ACACA: variants seen among roughly 807,000 people sequenced by gnomAD.
ACACA encodes acetyl-CoA carboxylase 1.
A neutral mutation model predicts 296.1 loss-of-function variants in ACACA; 103 were observed. That is an observed-to-expected ratio of 0.35 (90% CI 0.30 to 0.41). The LOEUF (loss-of-function observed/expected upper bound fraction) is 0.41, where lower values mean the gene tolerates loss of function less well. Ranked by LOEUF, ACACA falls within the 10% of genes least tolerant of loss-of-function variation. The probability of loss-of-function intolerance (pLI) is 1.00; values close to 1 mark genes in which losing one functional copy is unlikely to be tolerated. For synonymous variants in ACACA, 953 were observed against 1,038.6 expected, an observed-to-expected ratio of 0.92 and a Z score of 1.58; for missense variants, 1,554 against 2,989.7, an observed-to-expected ratio of 0.52 and a Z score of 11.20.
At chr17:37,298,126 T>C (rs2083445066) in intron 3 of ACACA, among the ~76,000 whole-genome samples, 3 of 151,982 alleles carry the variant, frequency 2.0e-5, no homozygotes, top group South Asian at 4.1e-4. Context: ...CTCAGCTATA[T>C]TGTAGTTACT....
intron 35 of ACACA, among the ~76,000 whole-genome samples, chr17:37,195,998 C>G (rs2077978640): frequency 6.6e-6 from 1 of 152,060 alleles, no homozygotes; most frequent in Non-Finnish European, 1.5e-5. Context: ...GTGTTCTAAT[C>G]AGCCAACCAT....
intron 3 of ACACA, 141 bp from the exon 4 acceptor site, chr17:37,285,111 G>A: frequency 3.2e-6 from 3 of 949,506 alleles, no homozygotes; most frequent in South Asian, 1.6e-5. Flanking sequence ...TCAAATAAAA[G>A]AGAGAAAAGA....
intron 3 of ACACA, among the ~76,000 whole-genome samples, chr17:37,307,229 G>C (rs1163948290): frequency 6.6e-6 from 1 of 152,082 alleles, no homozygotes; most frequent in African/African-American, 2.4e-5. Context: ...AATTTCCTCT[G>C]GGAATATACA....
chr17:37,396,010 G>T (rs2051069336), intron 1 of ACACA, among the ~76,000 whole-genome samples: 1 of 152,118 alleles, frequency 6.6e-6, no homozygotes, highest in Non-Finnish European at 1.5e-5. Flanking sequence ...ATTTGCGTGT[G>T]TATTAAAAGC....
At chr17:37,227,859 C>CAA (rs60565367) in intron 25 of ACACA, among the ~76,000 whole-genome samples, 23,220 of 102,336 alleles carry the variant, frequency 0.23, 2,265 homozygotes, top group Admixed American at 0.38. Flanking sequence ...GACTCTGTCT[C>CAA]AAAAAAAAAA....
intron 1 of ACACA, chr17:37,359,134 G>C: frequency 9.1e-6 from 9 of 985,520 alleles, no homozygotes; most frequent in Non-Finnish European, 1.1e-5. Context: ...ACACGGAGAA[G>C]GGGCGGGGCT....
At chr17:37,327,379 T>C (rs184336754) in intron 3 of ACACA, among the ~76,000 whole-genome samples, 1 of 152,274 alleles carries the variant, frequency 6.6e-6, no homozygotes, top group East Asian at 1.9e-4. Context: ...AGAAAACGTT[T>C]TTTCTATTTT....
At chr17:37,177,274 G>C (rs557126261) in intron 41 of ACACA, among the ~76,000 whole-genome samples, 1 of 84,706 alleles carries the variant, frequency 1.2e-5, no homozygotes, top group African/African-American at 6.0e-5. Flanking sequence ...AAATTCGTGT[G>C]TGTGTGTGTG....
chr17:37,131,572 TCTAA>T (rs952306109), intron 45 of ACACA, among the ~76,000 whole-genome samples: 3 of 152,162 alleles, frequency 2.0e-5, no homozygotes, highest in Non-Finnish European at 4.4e-5. Flanking sequence ...CTGGGGAGAA[TCTAA>T]CTAACTAAGG....
intron 3 of ACACA, among the ~76,000 whole-genome samples, chr17:37,289,104 A>T (rs1003284692): frequency 6.6e-6 from 1 of 151,852 alleles, no homozygotes; most frequent in Non-Finnish European, 1.5e-5. Flanking sequence ...CTCTACTAAA[A>T]TTACAAAAAT....
At chr17:37,316,799 G>A (rs1381570759) in intron 3 of ACACA, among the ~76,000 whole-genome samples, 4 of 152,116 alleles carry the variant, frequency 2.6e-5, no homozygotes, top group South Asian at 2.1e-4. Context: ...CAGGCCAGGC[G>A]AGGTAGCTCA....
intron 42 of ACACA, among the ~76,000 whole-genome samples, chr17:37,156,317 C>T (rs1047775220): frequency 6.6e-5 from 10 of 152,248 alleles, no homozygotes; most frequent in Non-Finnish European, 1.0e-4. Context: ...CCCGCCTCGG[C>T]CTCCCAAAGT....
chr17:37,096,679 G>A (rs1013032264), intron 54 of ACACA, among the ~76,000 whole-genome samples: 1 of 152,188 alleles, frequency 6.6e-6, no homozygotes, highest in Non-Finnish European at 1.5e-5. Context: ...TGAGCTCTAT[G>A]TGGATAGGAA....
At chr17:37,195,979 G>A (rs1327468630) in intron 35 of ACACA, among the ~76,000 whole-genome samples, 1 of 152,096 alleles carries the variant, frequency 6.6e-6, no homozygotes, top group South Asian at 2.1e-4. Context: ...AAGAAATTAT[G>A]CCCTTGCTGT....
chr17:37,165,218 G>C (rs947205738), intron 41 of ACACA, among the ~76,000 whole-genome samples: 2 of 136,176 alleles, frequency 1.5e-5, no homozygotes, highest in Admixed American at 8.7e-5. Flanking sequence ...ATTCAGTTTT[G>C]AGGTAGCATG....
chr17:37,395,168 G>T (rs1164930997), intron 1 of ACACA, among the ~76,000 whole-genome samples: 1 of 152,018 alleles, frequency 6.6e-6, no homozygotes, highest in Non-Finnish European at 1.5e-5. Flanking sequence ...AGTGGCTCAT[G>T]CCTGTAATCC....
Position 37,088,974 on chromosome 17 carries a change from C to CA in ACACA, c.6991dup (p.Cys2331LeufsTer142), listed in dbSNP as rs1191715206. The CA allele has an allele frequency of 6.2e-7, 1 of 1,614,212 alleles. No individual in the cohort carries two copies. On this transcript the variant is annotated frameshift_variant, in exon 55 of 56. Coordinates refer to ENST00000616317, the MANE Select transcript of ACACA (RefSeq NM_198834.3). LOFTEE classifies it high-confidence loss of function. ...CTTGAGGACGTAGTCTCTGCTGATG[C>CA]ATTTGATGTTTTCCTCTATTACCGA...
At chr17:37,351,009 G>T (rs527964458) in intron 1 of ACACA, among the ~76,000 whole-genome samples, 1 of 151,832 alleles carries the variant, frequency 6.6e-6, no homozygotes, top group Non-Finnish European at 1.5e-5. Flanking sequence ...GGAGCGTGGC[G>T]CATGCCCATA....
chr17:37,134,104 T>C (rs1198461325), intron 45 of ACACA, among the ~76,000 whole-genome samples: 1 of 152,208 alleles, frequency 6.6e-6, no homozygotes, highest in Non-Finnish European at 1.5e-5. Context: ...CCAAAGATGC[T>C]ACGTAGCCTT....
Sources: allele counts gnomAD v4.1 joint callset (sites outside exome capture counted in the v4.1 genomes callset), GRCh38; gene constraint gnomAD v4.1.1; transcripts MANE v1.5; gene names NCBI Gene and HGNC (gene_info 2026-07-23, HGNC 2026-07-21).